The following TRAPPC9 variants were observed in gnomAD, a reference collection of about 807,000 sequenced individuals.
The protein encoded by TRAPPC9 is IKK2 binding protein.
A neutral mutation model predicts 124.0 loss-of-function variants in TRAPPC9; 83 were observed. The ratio of observed to expected loss-of-function variants is 0.67; its 90% confidence interval spans 0.56 to 0.80. The LOEUF is 0.80. Ranked by LOEUF, TRAPPC9 falls within the 30% of genes least tolerant of loss-of-function variation. The pLI is 0.00. For missense variants in TRAPPC9, 1,302 were observed against 1,508.3 expected (o/e 0.86, Z 2.27); for synonymous variants, 638 against 617.5 (o/e 1.03, Z -0.49).
At chr8:140,309,554 C>G (rs1003434304) in intron 10 of TRAPPC9, among the ~76,000 whole-genome samples, 1 of 152,234 alleles carries the variant, frequency 6.6e-6, no homozygotes, top group African/African-American at 2.4e-5. Flanking sequence ...ACCAAACACC[C>G]AGAATGTTCT....
chr8:139,898,977 AGGC>A (rs1587138445), intron 20 of TRAPPC9, among the ~76,000 whole-genome samples: 1 of 151,926 alleles, frequency 6.6e-6, no homozygotes, highest in East Asian at 1.9e-4. Context: ...AAAATTAGCC[AGGC>A]ACGGTGGTGG....
At chr8:140,405,796 C>T in intron 5 of TRAPPC9, 98 bp from the exon 6 acceptor site, 1 of 1,376,302 alleles carries the variant, frequency 7.3e-7, no homozygotes, top group Non-Finnish European at 1.0e-6. Context: ...TAAATATGCC[C>T]TACTGAAATT....
intron 19 of TRAPPC9, among the ~76,000 whole-genome samples, chr8:139,921,189 T>A (rs919775781): frequency 1.3e-5 from 2 of 152,216 alleles, no homozygotes; most frequent in Non-Finnish European, 2.9e-5. Flanking sequence ...AGTCTCACCA[T>A]ACCACGCGAC....
At chr8:140,080,957 G>A (rs899647006) in intron 17 of TRAPPC9, among the ~76,000 whole-genome samples, 2 of 152,234 alleles carry the variant, frequency 1.3e-5, no homozygotes, top group Non-Finnish European at 2.9e-5. Flanking sequence ...GGATGGTGAG[G>A]AAGGTGTTGC....
intron 17 of TRAPPC9, among the ~76,000 whole-genome samples, chr8:140,052,185 G>C (rs1025370592): frequency 2.0e-5 from 3 of 151,596 alleles, no homozygotes; most frequent in Non-Finnish European, 4.4e-5. Context: ...AACATCCAGA[G>C]GTATCTCATC....
chr8:140,016,045 G>A (rs1839442719), intron 18 of TRAPPC9, among the ~76,000 whole-genome samples: 1 of 152,104 alleles, frequency 6.6e-6, no homozygotes, highest in Non-Finnish European at 1.5e-5. Context: ...CTCCCACTGT[G>A]GGTGGTGAAA....
chr8:140,120,741 T>A (rs1325217687), intron 17 of TRAPPC9, among the ~76,000 whole-genome samples: 1 of 146,834 alleles, frequency 6.8e-6, no homozygotes, highest in African/African-American at 2.6e-5. Context: ...CCAACATCCA[T>A]CCATCCATTC....
intron 9 of TRAPPC9, among the ~76,000 whole-genome samples, chr8:140,336,555 T>C (rs768961443): frequency 3.9e-5 from 6 of 152,174 alleles, no homozygotes; most frequent in Non-Finnish European, 8.8e-5. Context: ...AAGGCCCCAG[T>C]AACGCACACC....
intron 21 of TRAPPC9, among the ~76,000 whole-genome samples, chr8:139,810,401 C>T (rs367643271): frequency 2.6e-5 from 4 of 152,104 alleles, no homozygotes; most frequent in African/African-American, 9.7e-5. Context: ...AGGGTCCAGC[C>T]GGAGCTGACA....
intron 21 of TRAPPC9, among the ~76,000 whole-genome samples, chr8:139,747,911 A>G (rs868239148): frequency 1.3e-3 from 69 of 52,532 alleles, no homozygotes; most frequent in South Asian, 3.8e-3. Flanking sequence ...TAGGGGGGGC[A>G]TACAGGGGTC....
chr8:140,015,553 C>T (rs550772119), intron 18 of TRAPPC9, among the ~76,000 whole-genome samples: 1 of 152,072 alleles, frequency 6.6e-6, no homozygotes, highest in African/African-American at 2.4e-5. Context: ...TTTGGGAGGC[C>T]GAGGTGGGTG....
intron 19 of TRAPPC9, among the ~76,000 whole-genome samples, chr8:139,937,933 A>C (rs888218128): frequency 6.6e-6 from 1 of 152,194 alleles, no homozygotes; most frequent in African/African-American, 2.4e-5. Context: ...TACCAGATGC[A>C]CAGAGACACC....
chr8:139,959,055 G>A (rs1286806669), intron 19 of TRAPPC9, among the ~76,000 whole-genome samples: 4 of 151,768 alleles, frequency 2.6e-5, no homozygotes, highest in African/African-American at 9.7e-5. Context: ...CCTGCATTCC[G>A]AGTCACACGG....
chr8:140,026,625 A>G (rs1206753351), intron 17 of TRAPPC9, among the ~76,000 whole-genome samples: 1 of 152,128 alleles, frequency 6.6e-6, no homozygotes, highest in Non-Finnish European at 1.5e-5. Context: ...TGGTCCATTT[A>G]TGTATCTTCT....
At chr8:139,855,635 T>C (rs1827753535) in intron 21 of TRAPPC9, among the ~76,000 whole-genome samples, 1 of 152,150 alleles carries the variant, frequency 6.6e-6, no homozygotes, top group African/African-American at 2.4e-5. Context: ...AGGGGAGTCT[T>C]ATGCGGTCAG....
intron 17 of TRAPPC9, among the ~76,000 whole-genome samples, chr8:140,178,000 T>C (rs1312455036): frequency 6.6e-6 from 1 of 152,178 alleles, no homozygotes; most frequent in Non-Finnish European, 1.5e-5. Flanking sequence ...ATATTAATCA[T>C]GTATCCTACT....
chr8:140,033,767 C>T (rs1352631801), intron 17 of TRAPPC9, among the ~76,000 whole-genome samples: 1 of 140,516 alleles, frequency 7.1e-6, no homozygotes, highest in African/African-American at 2.7e-5. Flanking sequence ...CTGCAACCTC[C>T]ACCTCCCTGG....
At chr8:139,882,199 T>A (rs1829716812) in intron 21 of TRAPPC9, among the ~76,000 whole-genome samples, 1 of 152,176 alleles carries the variant, frequency 6.6e-6, no homozygotes. Flanking sequence ...CGGTAGGGAT[T>A]TATGGAGTGC....
At chr8:139,942,475 GA>G (rs1342777528) in intron 19 of TRAPPC9, among the ~76,000 whole-genome samples, 3 of 152,172 alleles carry the variant, frequency 2.0e-5, no homozygotes, top group Non-Finnish European at 4.4e-5. Context: ...AGACACCTGA[GA>G]AAAACCGTCA....
Sources: gnomAD v4.1 joint callset for allele counts (sites outside exome capture counted in the v4.1 genomes callset) on GRCh38, gnomAD v4.1.1 for gene constraint, MANE v1.5 for transcripts, NCBI Gene and HGNC (gene_info 2026-07-23, HGNC 2026-07-21) for gene names.